The following COL26A1 variants were observed in gnomAD, a reference collection of about 807,000 sequenced individuals.
COL26A1 encodes the protein collagen type XXVI alpha 1 chain, also known as collagen alpha-1(XXVI) chain.
A neutral mutation model predicts 59.3 loss-of-function variants in COL26A1; 41 were observed. The ratio of observed to expected loss-of-function variants is 0.69; its 90% CI spans 0.54 to 0.90. The LOEUF (loss-of-function observed/expected upper bound fraction) is 0.90, where lower values mean the gene tolerates loss of function less well. COL26A1 is among the 40% of genes least tolerant of loss of function. COL26A1 has a pLI of 0.00. For missense variants in COL26A1, 612 were observed against 602.3 expected, an observed-to-expected ratio of 1.02 and a Z score of -0.17; for synonymous variants, 266 against 256.0, an observed-to-expected ratio of 1.04 and a Z score of -0.37.
intron 4 of COL26A1, among the ~76,000 whole-genome samples, chr7:101,534,968 C>CGCCAGCCACGTCACT (rs1795451555): frequency 6.6e-6 from 1 of 152,240 alleles, no homozygotes; most frequent in Non-Finnish European, 1.5e-5. Context: ...CTGTCACCCA[C>CGCCAGCCACGTCACT]GCCAGCCACG....
intron 3 of COL26A1, among the ~76,000 whole-genome samples, chr7:101,475,975 CTCTT>C (rs906456653): frequency 4.0e-5 from 6 of 149,410 alleles, no homozygotes; most frequent in Middle Eastern, 3.4e-3. Context: ...CTCTTTGTCT[CTCTT>C]TCTTTCTTTC....
At chr7:101,511,571 C>T (rs1268138536) in intron 3 of COL26A1, among the ~76,000 whole-genome samples, 3 of 152,190 alleles carry the variant, frequency 2.0e-5, no homozygotes, top group Non-Finnish European at 4.4e-5. Flanking sequence ...AGTCACCAAG[C>T]GCCACACGTG....
chr7:101,438,844 TATTTTTAGTAGAG>T (rs1028376212), intron 2 of COL26A1, among the ~76,000 whole-genome samples: 8 of 151,422 alleles, frequency 5.3e-5, no homozygotes, highest in African/African-American at 1.7e-4. Context: ...CTAATTTTTG[TATTTTTAGTAGAG>T]ATTTTTAGTA....
At chr7:101,432,933 C>T (rs955904483) in intron 2 of COL26A1, among the ~76,000 whole-genome samples, 2 of 152,116 alleles carry the variant, frequency 1.3e-5, no homozygotes, top group Admixed American at 6.5e-5. Flanking sequence ...AACTCCTGAC[C>T]TCAGGTGACC....
rs1441391024 is a variant in COL26A1, at chr7:101,489,829, T to C, written c.385+42042T>C. 2.8e-3 allele frequency among the ~76,000 whole-genome samples: 35 copies of C among 12,722 alleles called. 5 individuals carry two copies. The highest frequency in any genetic ancestry group is 0.022 in the Middle Eastern group (1 of 46). 8.3% of individuals were successfully genotyped at this position (12,722 alleles called of 152,430 possible). ...TTCTTTCTTTCTTTCTTTCTTTCTT[T>C]CTTTCTTTCTTTCTTTCTTTCTTTC... On this transcript the variant is annotated intron_variant, in intron 3 of 12. Coordinates refer to ENST00000313669, the MANE Select transcript of COL26A1 (RefSeq NM_001278563.3).
At chr7:101,513,456 A>G (rs772818937) in intron 3 of COL26A1, among the ~76,000 whole-genome samples, 2 of 152,026 alleles carry the variant, frequency 1.3e-5, no homozygotes, top group Non-Finnish European at 2.9e-5. Flanking sequence ...CCTCCTGAGT[A>G]GCTGAGACTA....
At chr7:101,374,084 C>T (rs114897115) in intron 1 of COL26A1, among the ~76,000 whole-genome samples, 1,870 of 152,270 alleles carry the variant, frequency 0.012, 25 homozygotes, top group African/African-American at 0.042. Context: ...GGGAATTCTG[C>T]AGACAATCCT....
chr7:101,405,357 A>G (rs1324830735), intron 1 of COL26A1, among the ~76,000 whole-genome samples: 4 of 151,102 alleles, frequency 2.6e-5, no homozygotes, highest in Admixed American at 6.6e-5. Flanking sequence ...TTTTTTAGAG[A>G]CAAAGTCACT....
At chr7:101,388,242 G>C (rs1473837941) in intron 1 of COL26A1, among the ~76,000 whole-genome samples, 1 of 151,840 alleles carries the variant, frequency 6.6e-6, no homozygotes, top group Non-Finnish European at 1.5e-5. Flanking sequence ...GGAGGCTAAG[G>C]CGGGTGGATC....
chr7:101,398,652 C>T (rs1791920197), intron 1 of COL26A1, among the ~76,000 whole-genome samples: 1 of 152,106 alleles, frequency 6.6e-6, no homozygotes, highest in Non-Finnish European at 1.5e-5. Context: ...GCACCAAGGG[C>T]AAATGTGTTA....
At chr7:101,514,728 A>G (rs1487090986) in intron 3 of COL26A1, among the ~76,000 whole-genome samples, 1 of 152,186 alleles carries the variant, frequency 6.6e-6, no homozygotes, top group Non-Finnish European at 1.5e-5. Context: ...CGGGCAGGAG[A>G]GAAGGAGAAA....
chr7:101,387,754 T>TATA (rs1791618065), intron 1 of COL26A1, among the ~76,000 whole-genome samples: 2 of 95,080 alleles, frequency 2.1e-5, no homozygotes, highest in African/African-American at 8.9e-5. Context: ...ATATATATAT[T>TATA]TATATATATA....
intron 3 of COL26A1, among the ~76,000 whole-genome samples, chr7:101,450,424 G>A (rs1793302304): frequency 6.6e-6 from 1 of 152,144 alleles, no homozygotes; most frequent in Admixed American, 6.6e-5. Context: ...GTGCAAGGAT[G>A]TCCTCATCAA....
chr7:101,377,793 A>T (rs528577904), intron 1 of COL26A1, among the ~76,000 whole-genome samples: 4 of 152,340 alleles, frequency 2.6e-5, no homozygotes, highest in South Asian at 2.1e-4. Context: ...GTCCCTCATC[A>T]GTGAACAAAA....
At chr7:101,520,662 A>ACACACACACACACAC (rs915256077) in intron 3 of COL26A1, among the ~76,000 whole-genome samples, 4 of 143,240 alleles carry the variant, frequency 2.8e-5, no homozygotes, top group East Asian at 2.0e-4. Flanking sequence ...ACACACACAC[A>ACACACACACACACAC]CCCCCGTGTT....
intron 2 of COL26A1, among the ~76,000 whole-genome samples, chr7:101,427,836 A>T (rs554385110): frequency 6.6e-6 from 1 of 151,912 alleles, no homozygotes; most frequent in Non-Finnish European, 1.5e-5. Context: ...AGGGGACCCA[A>T]TTCTGGTTCC....
intron 3 of COL26A1, among the ~76,000 whole-genome samples, chr7:101,475,749 TTCC>T: frequency 6.7e-6 from 1 of 149,806 alleles, no homozygotes; most frequent in Non-Finnish European, 1.5e-5. Flanking sequence ...CCTTCCTTCC[TTCC>T]TTTTTCTTTC....
chr7:101,490,774 G>A (rs113727105), intron 3 of COL26A1, among the ~76,000 whole-genome samples: 14,112 of 151,656 alleles, frequency 0.093, 1,350 homozygotes, highest in African/African-American at 0.24. Context: ...CAAGGTGGGC[G>A]GACCACCTGA....
At chr7:101,545,303 G>T in intron 6 of COL26A1, 35 bp from the exon 7 acceptor site, 1 of 1,528,640 alleles carries the variant, frequency 6.5e-7, no homozygotes, top group Non-Finnish European at 8.7e-7. Flanking sequence ...GCCAGGCTCC[G>T]GCTGCCACAG....
Sources: allele counts gnomAD v4.1 joint callset (sites outside exome capture counted in the v4.1 genomes callset), GRCh38; gene constraint gnomAD v4.1.1; transcripts MANE v1.5; gene names NCBI Gene and HGNC (gene_info 2026-07-23, HGNC 2026-07-21).